The following SMG6 variants were observed in gnomAD, a reference collection of about 807,000 sequenced individuals.
SMG6 encodes the protein telomerase-binding protein EST1A.
SMG6 carries 66 observed loss-of-function variants against 142.2 expected under a neutral mutation model. That is an observed-to-expected ratio of 0.46 (90% CI 0.38 to 0.57). The LOEUF (loss-of-function observed/expected upper bound fraction) is 0.57, where lower values mean the gene tolerates loss of function less well. Ranked by LOEUF, SMG6 falls within the 20% of genes least tolerant of loss-of-function variation. SMG6 has a pLI of 0.00. For missense variants in SMG6, 1,793 were observed against 1,832.0 expected (o/e 0.98, Z 0.39); for synonymous variants, 779 against 702.4 (o/e 1.11, Z -1.72).
intron 15 of SMG6, among the ~76,000 whole-genome samples, chr17:2,078,108 AG>A (rs1457897375): frequency 2.0e-5 from 3 of 152,142 alleles, no homozygotes; most frequent in Non-Finnish European, 4.4e-5. Flanking sequence ...CCTGGTGGGC[AG>A]GAGCCTGGTA....
intron 13 of SMG6, among the ~76,000 whole-genome samples, chr17:2,134,717 A>G (rs943917450): frequency 6.6e-6 from 1 of 152,130 alleles, no homozygotes; most frequent in Non-Finnish European, 1.5e-5. Flanking sequence ...ATACACTACT[A>G]AATTATCTCA....
intron 10 of SMG6, among the ~76,000 whole-genome samples, chr17:2,207,488 C>A (rs1042171745): frequency 6.6e-6 from 1 of 151,928 alleles, no homozygotes; most frequent in African/African-American, 2.4e-5. Flanking sequence ...TGATCATGAA[C>A]GATCCATCCA....
intron 10 of SMG6, among the ~76,000 whole-genome samples, chr17:2,219,196 C>A (rs1475661114): frequency 6.6e-6 from 1 of 151,028 alleles, no homozygotes; most frequent in Non-Finnish European, 1.5e-5. Flanking sequence ...ACCAGCCTGG[C>A]CAACAAGACA....
At chr17:2,173,491 C>T (rs1042605352) in intron 12 of SMG6, among the ~76,000 whole-genome samples, 5 of 152,210 alleles carry the variant, frequency 3.3e-5, no homozygotes, top group Admixed American at 6.5e-5. Flanking sequence ...AATTCATCAG[C>T]GCTGTCTCAG....
chr17:2,109,805 C>T (rs2069258389), intron 13 of SMG6, among the ~76,000 whole-genome samples: 1 of 152,020 alleles, frequency 6.6e-6, no homozygotes, highest in African/African-American at 2.4e-5. Context: ...AAATTGACAA[C>T]ACAAGGGCAG....
chr17:2,107,990 C>T (rs190437651), intron 13 of SMG6, among the ~76,000 whole-genome samples: 98 of 152,312 alleles, frequency 6.4e-4, no homozygotes, highest in Non-Finnish European at 1.2e-3. Context: ...CTAAGCACAC[C>T]TGCCTCGCCT....
chr17:2,157,619 C>A (rs936162437), intron 13 of SMG6, among the ~76,000 whole-genome samples: 2 of 152,140 alleles, frequency 1.3e-5, no homozygotes, highest in African/African-American at 4.8e-5. Context: ...TTTCCTTTTG[C>A]CAAAACCAAT....
At position 2,061,151 on chromosome 17, in the gene SMG6, G is replaced by A. The variant is rs1383576703; in HGVS notation, c.*341C>T. 12 of 227,532 alleles carry A rather than the reference G, an allele frequency of 5.3e-5. No homozygotes were observed. Among genetic ancestry groups the A allele is most frequent in the African/African-American group, 6.8e-5 (3 of 44,056 alleles). 14.1% of individuals were successfully genotyped at this position (227,532 alleles called of 1,614,324 possible). ...GGAGAAAGTGGCTGCGTCCCCAGGC[G>A]AGAAGGCCCTCCCTCAGCCTTGGAA... is the stretch of plus-strand genomic sequence containing the variant. On this transcript the variant is annotated 3_prime_UTR_variant, in exon 19 of 19. Transcript: ENST00000263073.
chr17:2,095,490 T>C (rs2068832048), intron 13 of SMG6, among the ~76,000 whole-genome samples: 1 of 152,190 alleles, frequency 6.6e-6, no homozygotes, highest in South Asian at 2.1e-4. Context: ...TGTAAGTGCC[T>C]ACTGTGTGTG....
chr17:2,241,016 T>A (rs2073787932), intron 9 of SMG6, among the ~76,000 whole-genome samples: 1 of 152,236 alleles, frequency 6.6e-6, no homozygotes, highest in Non-Finnish European at 1.5e-5. Flanking sequence ...GTTATTTCTG[T>A]TTCTGCCTTC....
chr17:2,100,440 T>C (rs2068974656), intron 13 of SMG6, among the ~76,000 whole-genome samples: 1 of 152,230 alleles, frequency 6.6e-6, no homozygotes, highest in Non-Finnish European at 1.5e-5. Flanking sequence ...ACCAAAGTGC[T>C]GGGATTATAG....
intron 13 of SMG6, among the ~76,000 whole-genome samples, chr17:2,169,339 C>A (rs2151643847): frequency 6.6e-6 from 1 of 151,200 alleles, no homozygotes; most frequent in East Asian, 2.0e-4. Context: ...GGTAATAATA[C>A]TTACATGGCA....
intron 2 of SMG6, 124 bp downstream of exon 2, chr17:2,298,782 C>T: frequency 1.2e-6 from 1 of 825,404 alleles, no homozygotes; most frequent in South Asian, 1.9e-5. Flanking sequence ...CCTTCCCTTA[C>T]AACGTGAAAA....
intron 4 of SMG6, among the ~76,000 whole-genome samples, chr17:2,294,554 A>G (rs1222601676): frequency 6.6e-6 from 1 of 152,144 alleles, no homozygotes; most frequent in East Asian, 1.9e-4. Flanking sequence ...GCCTTTAAGT[A>G]TATTGTCCTC....
chr17:2,117,565 TA>T (rs2151509508), intron 13 of SMG6: 1 of 152,194 alleles, frequency 6.6e-6, no homozygotes, highest in South Asian at 2.1e-4. Context: ...GCATAAAAAA[TA>T]AAATGTATTT....
chr17:2,066,304 A>G (rs1390125991), intron 16 of SMG6, among the ~76,000 whole-genome samples: 4 of 150,126 alleles, frequency 2.7e-5, no homozygotes, highest in African/African-American at 1.0e-4. Context: ...GTGCGTGTGT[A>G]CATGTATGTG....
intron 15 of SMG6, among the ~76,000 whole-genome samples, chr17:2,078,263 G>A (rs146725849): frequency 2.6e-5 from 4 of 152,174 alleles, no homozygotes; most frequent in African/African-American, 4.8e-5. Flanking sequence ...ACAGAGAGGA[G>A]AAGAGGGAAT....
At chr17:2,109,502 G>A (rs778864978) in intron 13 of SMG6, among the ~76,000 whole-genome samples, 1 of 152,114 alleles carries the variant, frequency 6.6e-6, no homozygotes, top group Non-Finnish European at 1.5e-5. Flanking sequence ...GGCCTCAAGT[G>A]ATCCGCCTGC....
At position 2,085,005 on chromosome 17, in the gene SMG6, AC is replaced by A. The variant is rs2068517440; in HGVS notation, c.3534+719del. On this transcript the variant is annotated intron_variant, in intron 14 of 18. Transcript: ENST00000263073. This position sits in a 1 kb window ranked among gnomAD's most constrained non-coding sequence, Gnocchi z 4.1. ...TGACACACAAACCCAGCACACACAG[AC>A]CCACATCAACAATCACTCCCAGAAA... 6.6e-6 allele frequency among the ~76,000 whole-genome samples: 1 copy of A among 152,166 alleles called. No individual in the cohort carries two copies. The highest frequency in any genetic ancestry group is 1.5e-5 in the Non-Finnish European group (1 of 68,020).
Sources: gnomAD v4.1 joint callset for allele counts (sites outside exome capture counted in the v4.1 genomes callset) on GRCh38, gnomAD v4.1.1 for gene constraint, Gnocchi (gnomAD v3.1) non-coding constraint, MANE v1.5 for transcripts, NCBI Gene and HGNC (gene_info 2026-07-23, HGNC 2026-07-21) for gene names.